CSRNP3: variants seen among roughly 807,000 people sequenced by gnomAD.
CSRNP3 encodes the protein cysteine and serine rich nuclear protein 3.
Under a neutral mutation model 48.0 loss-of-function variants are expected in CSRNP3, and 12 were observed. That is an observed-to-expected ratio of 0.25 (90% CI 0.16 to 0.41). CSRNP3 has a LOEUF of 0.41. Among genes scored for constraint, CSRNP3 ranks in the 10% least tolerant of loss-of-function variants. CSRNP3 has a pLI of 1.00. For synonymous variants in CSRNP3, 263 were observed against 269.7 expected, an observed-to-expected ratio of 0.98 and a Z score of 0.24; for missense variants, 580 against 724.4, an observed-to-expected ratio of 0.80 and a Z score of 2.29.
chr2:165,529,337 G>A (rs1409355849), intron 3 of CSRNP3, among the ~76,000 whole-genome samples: 1 of 152,158 alleles, frequency 6.6e-6, no homozygotes, highest in Admixed American at 6.5e-5. Flanking sequence ...TATCATGGCA[G>A]CAGGTCTTTC....
Position 165,687,607 on chromosome 2 carries a change from G to A in CSRNP3, c.*7854G>A, listed in dbSNP as rs1687651103. On this transcript the variant is annotated 3_prime_UTR_variant, in exon 7 of 7. Coordinates refer to ENST00000651982, the MANE Select transcript of CSRNP3 (RefSeq NM_001172173.2). ...AGGAATAGTTGTGAAGAGTCTGATGGAATAAAATGACTCCAGAGATTTACA... is the reference window on the plus strand; with the variant it reads ...AGGAATAGTTGTGAAGAGTCTGATGAAATAAAATGACTCCAGAGATTTACA... 6.6e-6 allele frequency: 1 copy of A among 151,960 alleles called. No homozygotes were observed. Among genetic ancestry groups the A allele is most frequent in the Non-Finnish European group, 1.5e-5 (1 of 67,956 alleles). The allele number at this position is 151,960 out of a possible 1,614,324, so 9.4% of individuals were successfully genotyped here.
At chr2:165,674,002 C>T (rs1641035984) in intron 5 of CSRNP3, among the ~76,000 whole-genome samples, 1 of 151,998 alleles carries the variant, frequency 6.6e-6, no homozygotes, top group South Asian at 2.1e-4. Flanking sequence ...GCCTGGGAAA[C>T]AGAGCTAGAC....
chr2:165,653,740 G>A (rs773843427), intron 4 of CSRNP3, among the ~76,000 whole-genome samples: 11 of 151,988 alleles, frequency 7.2e-5, no homozygotes, highest in Non-Finnish European at 1.3e-4. Context: ...GGGAGGCCGA[G>A]GTGGGTGGAT....
chr2:165,499,340 C>T (rs1684326703), intron 2 of CSRNP3, among the ~76,000 whole-genome samples: 1 of 152,112 alleles, frequency 6.6e-6, no homozygotes, highest in Non-Finnish European at 1.5e-5. Context: ...CTGATGCTTT[C>T]TGACAGCTTG....
At chr2:165,570,395 G>A (rs1024112380) in intron 3 of CSRNP3, among the ~76,000 whole-genome samples, 4 of 151,794 alleles carry the variant, frequency 2.6e-5, no homozygotes, top group Non-Finnish European at 4.4e-5. Context: ...CATATTCCTT[G>A]TATTTATTTT....
intron 3 of CSRNP3, among the ~76,000 whole-genome samples, chr2:165,519,955 C>G (rs1008288708): frequency 4.6e-5 from 7 of 151,992 alleles, no homozygotes; most frequent in African/African-American, 1.5e-4. Flanking sequence ...TCACATAGTA[C>G]CCACTAAAAA....
At chr2:165,540,184 T>G (rs766034992) in intron 3 of CSRNP3, among the ~76,000 whole-genome samples, 7 of 152,094 alleles carry the variant, frequency 4.6e-5, no homozygotes, top group Non-Finnish European at 8.8e-5. Context: ...TAAAATGCAT[T>G]GAATAGGCTG....
At chr2:165,559,259 G>A (rs1216930505) in intron 3 of CSRNP3, among the ~76,000 whole-genome samples, 2 of 152,146 alleles carry the variant, frequency 1.3e-5, no homozygotes, top group Non-Finnish European at 2.9e-5. Flanking sequence ...ACTAGAAAAA[G>A]AGCTTGGTCT....
chr2:165,687,200 C>A lies in CSRNP3; in HGVS notation c.*7447C>A, dbSNP rs1344816038. 6.6e-6 allele frequency: 1 copy of A among 152,124 alleles called. No individual in the cohort carries two copies. The highest frequency in any genetic ancestry group is 2.4e-5 in the African/African-American group (1 of 41,430). 9.4% of individuals were successfully genotyped at this position (152,124 alleles called of 1,614,324 possible). A position where few individuals can be genotyped will look rare whatever the true frequency, so the allele number is the denominator to read the frequency against. On this transcript the variant is annotated 3_prime_UTR_variant, in exon 7 of 7. Coordinates refer to ENST00000651982, the MANE Select transcript of CSRNP3 (RefSeq NM_001172173.2). ...GGTGATTATTACATTAATATATGAT[C>A]ATTCCATAAGTCTCCTAAGAAATCA...
At chr2:165,502,414 GTATT>G (rs1684369853) in intron 2 of CSRNP3, among the ~76,000 whole-genome samples, 1 of 151,796 alleles carries the variant, frequency 6.6e-6, no homozygotes, top group African/African-American at 2.4e-5. Context: ...TTCACAATTT[GTATT>G]TATATGCTTT....
intron 3 of CSRNP3, among the ~76,000 whole-genome samples, chr2:165,539,803 A>T (rs7566691): frequency 6.6e-6 from 1 of 151,886 alleles, no homozygotes; most frequent in African/African-American, 2.4e-5. Context: ...GTAAATTTTC[A>T]GAATTAATTT....
At chr2:165,638,051 A>C (rs879577923) in intron 4 of CSRNP3, among the ~76,000 whole-genome samples, 1 of 152,208 alleles carries the variant, frequency 6.6e-6, no homozygotes, top group Non-Finnish European at 1.5e-5. Flanking sequence ...ATATCCCAAT[A>C]TATATAGTAC....
intron 3 of CSRNP3, among the ~76,000 whole-genome samples, chr2:165,549,292 A>C (rs1685069239): frequency 6.6e-6 from 1 of 152,126 alleles, no homozygotes; most frequent in Non-Finnish European, 1.5e-5. Context: ...TTCTAGTATG[A>C]AAATATAAAT....
At chr2:165,577,950 T>A (rs1321329246) in intron 3 of CSRNP3, among the ~76,000 whole-genome samples, 1 of 152,054 alleles carries the variant, frequency 6.6e-6, no homozygotes, top group Admixed American at 6.5e-5. Flanking sequence ...ATTTTTAGTT[T>A]GTCTTGTGTT....
intron 4 of CSRNP3, among the ~76,000 whole-genome samples, chr2:165,640,408 C>G (rs78515204): frequency 4.9e-4 from 74 of 152,284 alleles, no homozygotes; most frequent in Admixed American, 1.0e-3. Flanking sequence ...CATTACTTCA[C>G]CACTGCCCTA....
At chr2:165,478,932 C>T (rs1342670562) in intron 1 of CSRNP3, among the ~76,000 whole-genome samples, 1 of 152,126 alleles carries the variant, frequency 6.6e-6, no homozygotes, top group Non-Finnish European at 1.5e-5. Context: ...CAAGTAAAAA[C>T]TCAAGAACAT....
chr2:165,563,937 C>T (rs1429447446), intron 3 of CSRNP3, among the ~76,000 whole-genome samples: 2 of 152,082 alleles, frequency 1.3e-5, no homozygotes, highest in East Asian at 3.9e-4. Context: ...CCGCTCCCCC[C>T]AGACAAGTAA....
At position 165,645,312 on chromosome 2, in the gene CSRNP3, C is replaced by T. The variant is rs543713470; in HGVS notation, c.149-12449C>T. On this transcript the variant is annotated intron_variant, in intron 4 of 6. Transcript: ENST00000651982. The stretch of plus-strand genomic sequence containing the variant: ...TCATGCCACTGCACTCCAGCCTGGG[C>T]GACAGAGTGAGACTCTGGTCTCAAA... 5.9e-5 allele frequency among the ~76,000 whole-genome samples: 9 copies of T among 151,666 alleles called. No individual in the cohort carries two copies. In the South Asian group the frequency reaches 6.3e-4, roughly 11 times the overall value.
chr2:165,587,367 G>A (rs1685649303), intron 3 of CSRNP3, among the ~76,000 whole-genome samples: 1 of 152,190 alleles, frequency 6.6e-6, no homozygotes, highest in Admixed American at 6.5e-5. Flanking sequence ...TGACAGATGA[G>A]GAAATGATAC....
Sources: allele counts gnomAD v4.1 joint callset (sites outside exome capture counted in the v4.1 genomes callset), GRCh38; gene constraint gnomAD v4.1.1; transcripts MANE v1.5; gene names NCBI Gene and HGNC (gene_info 2026-07-23, HGNC 2026-07-21).